Variants in VGLL4 observed in about 807,000 individuals in gnomAD.
The protein encoded by VGLL4 is transcription cofactor vestigial-like protein 4.
A neutral mutation model predicts 21.0 loss-of-function variants in VGLL4; 7 were observed. The ratio of observed to expected loss-of-function variants is 0.33; its 90% CI spans 0.19 to 0.63. The LOEUF (loss-of-function observed/expected upper bound fraction) is 0.63. VGLL4 is among the 20% of genes least tolerant of loss of function. VGLL4 has a pLI of 0.78. For synonymous variants in VGLL4, 222 were observed against 173.2 expected, an observed-to-expected ratio of 1.28 and a Z score of -2.21; for missense variants, 394 against 425.7, an observed-to-expected ratio of 0.93 and a Z score of 0.66.
intron 2 of VGLL4, among the ~76,000 whole-genome samples, chr3:11,681,188 C>T (rs949154849): frequency 6.6e-6 from 1 of 152,202 alleles, no homozygotes; most frequent in Non-Finnish European, 1.5e-5. Context: ...AGCTCCGCCT[C>T]CTGGGTTCAC....
chr3:11,689,490 A>T (rs79310682), intron 2 of VGLL4, among the ~76,000 whole-genome samples: 1,611 of 152,338 alleles, frequency 0.011, 21 homozygotes, highest in African/African-American at 0.034. Context: ...TTGTTCTAAA[A>T]GATCTTTTTT....
chr3:11,559,544 G>A (rs899433589), intron 3 of VGLL4, 89 bp from the exon 4 acceptor site: 17 of 1,419,458 alleles, frequency 1.2e-5, no homozygotes, highest in South Asian at 1.6e-5. Context: ...TTCAGGCTCT[G>A]TCCTGGTGCC....
At chr3:11,709,659 G>C (rs761171756) in intron 1 of VGLL4, among the ~76,000 whole-genome samples, 4 of 151,476 alleles carry the variant, frequency 2.6e-5, no homozygotes, top group Non-Finnish European at 5.9e-5. Context: ...CACTCCCTTA[G>C]CCTCAATTCA....
At chr3:11,616,209 TC>T (rs2075160009) in intron 1 of VGLL4, among the ~76,000 whole-genome samples, 1 of 135,408 alleles carries the variant, frequency 7.4e-6, no homozygotes, top group Non-Finnish European at 1.6e-5. Context: ...GCCTCCCACC[TC>T]CCCTCCCACC....
At chr3:11,703,162 G>A in intron 1 of VGLL4, 3 of 873,976 alleles carry the variant, frequency 3.4e-6, no homozygotes, top group Non-Finnish European at 4.9e-6. Flanking sequence ...TTCTTCTAAG[G>A]ATGAAATTCT....
At chr3:11,578,748 CTTTTTTTTT>C (rs71044228) in intron 2 of VGLL4, among the ~76,000 whole-genome samples, 127 of 104,708 alleles carry the variant, frequency 1.2e-3, no homozygotes, top group African/African-American at 4.4e-3. Context: ...TGTATATTTT[CTTTTTTTTT>C]TTTTTTTTTT....
chr3:11,642,771 A>T (rs1375684382), intron 1 of VGLL4, among the ~76,000 whole-genome samples: 1 of 152,190 alleles, frequency 6.6e-6, no homozygotes, highest in Non-Finnish European at 1.5e-5. Context: ...TCTCTTTTTC[A>T]GGGCAGGCTG....
chr3:11,618,334 T>TA (rs1472228641), intron 1 of VGLL4, among the ~76,000 whole-genome samples: 1 of 152,040 alleles, frequency 6.6e-6, no homozygotes, highest in Non-Finnish European at 1.5e-5. Flanking sequence ...TATTATCCAA[T>TA]AAAAAAACTA....
upstream of VGLL4, among the ~76,000 whole-genome samples, chr3:11,645,415 C>A (rs894433648): frequency 2.0e-5 from 3 of 147,900 alleles, no homozygotes; most frequent in Non-Finnish European, 4.5e-5. Flanking sequence ...ACGGTGAAAC[C>A]CCGTCTCTAC....
chr3:11,599,145 AAC>A (rs1350832298), intron 2 of VGLL4, among the ~76,000 whole-genome samples: 1 of 152,194 alleles, frequency 6.6e-6, no homozygotes, highest in Non-Finnish European at 1.5e-5. Flanking sequence ...GCTCTTAGAA[AAC>A]ACAGTACAAA....
rs764374432 is a variant in VGLL4, at chr3:11,602,054, C to G, written c.83-32G>C. The G allele has an allele frequency of 2.7e-6, 4 of 1,489,694 alleles. No homozygotes were observed. The East Asian group carries it at 1.0e-4, about 38-fold the overall frequency. 92.3% of individuals were successfully genotyped at this position (1,489,694 alleles called of 1,614,324 possible). A position where few individuals can be genotyped will look rare whatever the true frequency, so the allele number is the denominator to read the frequency against. ...AGAGAGAGATGATGTAGTCACTAAG[C>G]AGGAGAAAGGCCCCCATCTCAGTCC... On this transcript the variant is annotated intron_variant, in intron 1 of 4. Coordinates refer to ENST00000430365, the MANE Select transcript of VGLL4 (RefSeq NM_001128219.3).
intron 1 of VGLL4, among the ~76,000 whole-genome samples, chr3:11,717,490 A>ACTTT (rs2076935547): frequency 1.4e-5 from 1 of 72,940 alleles, no homozygotes; most frequent in Non-Finnish European, 2.3e-5. Context: ...CCCACTACAG[A>ACTTT]TTTTTTTTTT....
intron 2 of VGLL4, among the ~76,000 whole-genome samples, chr3:11,670,338 T>A (rs2125366593): frequency 6.6e-6 from 1 of 152,316 alleles, no homozygotes; most frequent in South Asian, 2.1e-4. Flanking sequence ...AGGAAAGTAC[T>A]TCTACTGTCT....
intron 2 of VGLL4, among the ~76,000 whole-genome samples, chr3:11,689,225 G>C (rs1283829493): frequency 6.6e-6 from 1 of 152,082 alleles, no homozygotes; most frequent in Non-Finnish European, 1.5e-5. Flanking sequence ...TCTAATAAAT[G>C]CATCTTCTTT....
At chr3:11,627,992 G>C (rs1184295437) in intron 1 of VGLL4, among the ~76,000 whole-genome samples, 5 of 152,214 alleles carry the variant, frequency 3.3e-5, no homozygotes, top group Non-Finnish European at 7.3e-5. Flanking sequence ...TTCTAAAATA[G>C]CTACATGAGA....
At position 11,568,689 on chromosome 3, in the gene VGLL4, G is replaced by A. The variant is rs1323487747; in HGVS notation, c.273-3670C>T. ...CGCTCGCCCGGATGAATCACCTCCC[G>A]GCCACTGCTTCCCAGGCGTCATGTG... is the stretch of plus-strand genomic sequence containing the variant. On this transcript the variant is annotated intron_variant, in intron 2 of 4. Coordinates refer to ENST00000430365, the MANE Select transcript of VGLL4 (RefSeq NM_001128219.3). This position sits in a 1 kb window ranked among gnomAD's most constrained non-coding sequence, Gnocchi z 5.9. 51 of 1,551,538 alleles carry A rather than the reference G, an allele frequency of 3.3e-5. No homozygotes were observed. Among genetic ancestry groups the A allele is most frequent in the Non-Finnish European group, 4.1e-5 (47 of 1,147,150 alleles).
intron 1 of VGLL4, among the ~76,000 whole-genome samples, chr3:11,640,978 A>G (rs6799062): frequency 0.2 from 30,223 of 151,856 alleles, 4,478 homozygotes; most frequent in African/African-American, 0.41. Context: ...TGGGCCGGGC[A>G]TGGTGGCAGG....
chr3:11,565,085 C>T lies in VGLL4; in HGVS notation c.273-66G>A. On this transcript the variant is annotated intron_variant, in intron 2 of 4. Transcript: ENST00000430365. This position sits in a 1 kb window ranked among gnomAD's most constrained non-coding sequence, Gnocchi z 4.1. ...AGGCAAAGGGGACAGTGACTGTGCG[C>T]CAGGCACTCCGTGTTGCTTATTTAA... The T allele has an allele frequency of 7.4e-7, 1 of 1,358,158 alleles. No homozygotes were observed. 84.1% of individuals were successfully genotyped at this position (1,358,158 alleles called of 1,614,324 possible).
At chr3:11,645,885 T>C (rs2075783370), upstream of VGLL4, among the ~76,000 whole-genome samples, 1 of 152,036 alleles carries the variant, frequency 6.6e-6, no homozygotes, top group African/African-American at 2.4e-5. Flanking sequence ...GGCAGGAGAA[T>C]TGTTTGAACA....
Sources: gnomAD v4.1 joint callset for allele counts (sites outside exome capture counted in the v4.1 genomes callset) on GRCh38, gnomAD v4.1.1 for gene constraint, Gnocchi (gnomAD v3.1) non-coding constraint, MANE v1.5 for transcripts, NCBI Gene and HGNC (gene_info 2026-07-23, HGNC 2026-07-21) for gene names.